The following DTD2 variants were observed in gnomAD, a reference collection of about 807,000 sequenced individuals.
DTD2 encodes the protein D-tyrosyl-tRNA deacylase 2 (putative).
DTD2 carries 12 observed loss-of-function variants against 15.5 expected under a neutral mutation model. That is an observed-to-expected ratio of 0.77 (90% CI 0.50 to 1.25). The LOEUF (loss-of-function observed/expected upper bound fraction) is 1.25, where lower values mean the gene tolerates loss of function less well. DTD2 is among the 50% of genes most tolerant of loss of function. The pLI, the probability that DTD2 is intolerant of heterozygous loss-of-function variation, is 0.00. For missense variants in DTD2, 170 were observed against 201.1 expected (o/e 0.85, Z 0.93); for synonymous variants, 59 against 77.3 (o/e 0.76, Z 1.24).
At position 31,447,656 on chromosome 14, in the gene DTD2, T is replaced by TA. The variant is rs2031976585; in HGVS notation, c.*472dup. 6.5e-6 allele frequency: 1 copy of TA among 153,344 alleles called. No homozygotes were observed. Among genetic ancestry groups the TA allele is most frequent in the Non-Finnish European group, 1.4e-5 (1 of 69,270 alleles). The allele number at this position is 153,344 out of a possible 1,614,324, so 9.5% of individuals were successfully genotyped here. A position where few individuals can be genotyped will look rare whatever the true frequency, so the allele number is the denominator to read the frequency against. On this transcript the variant is annotated 3_prime_UTR_variant, in exon 3 of 3. Transcript: ENST00000310850. ...CAGCACGGTGAAACCCCATCTCTAC[T>TA]AAAAATACAAAAAAATTAGCTGGGC...
Position 31,447,753 on chromosome 14 carries a change from G to A in DTD2, c.*376C>T. 2 of 158,092 alleles carry A rather than the reference G, an allele frequency of 1.3e-5. No homozygotes were observed. Among genetic ancestry groups the A allele is most frequent in the Non-Finnish European group, 2.8e-5 (2 of 72,176 alleles). The allele number at this position is 158,092 out of a possible 1,614,324, so 9.8% of individuals were successfully genotyped here. A position where few individuals can be genotyped will look rare whatever the true frequency, so the allele number is the denominator to read the frequency against. On this transcript the variant is annotated 3_prime_UTR_variant, in exon 3 of 3. Coordinates refer to ENST00000310850, the MANE Select transcript of DTD2 (RefSeq NM_080664.3). Reference sequence around the variant, plus strand: ...GGAGAATCGCTTGAATCCAGGAGGTGGAGGTTGCAGTGAGCCGAGATTGCG... The same window carrying A: ...GGAGAATCGCTTGAATCCAGGAGGTAGAGGTTGCAGTGAGCCGAGATTGCG...
intron 1 of DTD2, among the ~76,000 whole-genome samples, chr14:31,453,963 T>C (rs2032068253): frequency 6.6e-6 from 1 of 152,260 alleles, no homozygotes; most frequent in Admixed American, 6.5e-5. Flanking sequence ...GGTTGGTTGT[T>C]ATCAGGAATA....
Position 31,457,394 on chromosome 14 carries a change from G to A in DTD2, c.-1C>T, listed in dbSNP as rs542692827. ...GAGGAATCCGGCTACCCTCAGCCAT[G>A]GCTTAAGCCAGCGCCGCGGCCGGAC... On this transcript the variant is annotated 5_prime_UTR_variant, in exon 1 of 3. Coordinates refer to ENST00000310850, the MANE Select transcript of DTD2 (RefSeq NM_080664.3). 2.3e-5 allele frequency: 35 copies of A among 1,507,624 alleles called. No individual in the cohort carries two copies. Among genetic ancestry groups the A allele is most frequent in the Non-Finnish European group, 2.9e-5 (33 of 1,124,742 alleles). 93.4% of individuals were successfully genotyped at this position (1,507,624 alleles called of 1,614,324 possible).
Position 31,457,475 on chromosome 14 carries a change from A to G in DTD2, c.-82T>C. On this transcript the variant is annotated 5_prime_UTR_variant, in exon 1 of 3. Coordinates refer to ENST00000310850, the MANE Select transcript of DTD2 (RefSeq NM_080664.3). ...CCTCGACGCGCTGGCGGGGCAGACG[A>G]GGCGGGGCACGACGAAGGGCCTGCG... 5 of 1,113,326 alleles carry G rather than the reference A, an allele frequency of 4.5e-6. No individual in the cohort carries two copies. The highest frequency in any genetic ancestry group is 6.1e-6 in the Non-Finnish European group (5 of 815,604). 69.0% of individuals were successfully genotyped at this position (1,113,326 alleles called of 1,614,324 possible). A position where few individuals can be genotyped will look rare whatever the true frequency, so the allele number is the denominator to read the frequency against.
At chr14:31,450,082 C>G (rs1026195638) in intron 2 of DTD2, among the ~76,000 whole-genome samples, 1 of 152,186 alleles carries the variant, frequency 6.6e-6, no homozygotes, top group African/African-American at 2.4e-5. Context: ...TCATTCCACT[C>G]GAAATCACTA....
intron 1 of DTD2, among the ~76,000 whole-genome samples, chr14:31,453,884 G>C (rs2032067674): frequency 6.6e-6 from 1 of 152,158 alleles, no homozygotes; most frequent in African/African-American, 2.4e-5. Context: ...TGTTATTGTT[G>C]TTAATGCTTT....
chr14:31,457,253 GGATAAC>G, intron 1 of DTD2, 24 bp downstream of exon 1: 1 of 1,540,806 alleles, frequency 6.5e-7, no homozygotes, highest in Non-Finnish European at 8.8e-7. Flanking sequence ...GCACGCCGGA[GGATAAC>G]GAGAGCTGCC....
At chr14:31,448,787 G>A (rs553680321) in intron 2 of DTD2, among the ~76,000 whole-genome samples, 1 of 152,210 alleles carries the variant, frequency 6.6e-6, no homozygotes, top group Non-Finnish European at 1.5e-5. Flanking sequence ...TACATGAGAA[G>A]ATTTTACCTT....
intron 2 of DTD2, chr14:31,452,217 T>C (rs1278490615): frequency 2.0e-5 from 3 of 152,220 alleles, no homozygotes; most frequent in African/African-American, 7.2e-5. Flanking sequence ...TCCATAATAA[T>C]GATATAAACT....
In DTD2 at chr14:31,446,291, C is replaced by G. The variant is rs181255940; in HGVS notation, c.*1838G>C. 8.6e-4 allele frequency: 130 copies of G among 151,664 alleles called. No homozygotes were observed. Among genetic ancestry groups the G allele is most frequent in the African/African-American group, 3.1e-3 (129 of 41,364 alleles). The allele number at this position is 151,664 out of a possible 1,614,324, so 9.4% of individuals were successfully genotyped here. ...CTACTTAGGATGTTTATTTATTTACCTTTTTTTGCCAATTAGAATTAGTTA... is the reference window on the plus strand; with the variant it reads ...CTACTTAGGATGTTTATTTATTTACGTTTTTTTGCCAATTAGAATTAGTTA... On this transcript the variant is annotated 3_prime_UTR_variant, in exon 3 of 3. Coordinates refer to ENST00000310850, the MANE Select transcript of DTD2 (RefSeq NM_080664.3).
chr14:31,449,535 C>T (rs1462668707), intron 2 of DTD2, among the ~76,000 whole-genome samples: 1 of 152,128 alleles, frequency 6.6e-6, no homozygotes, highest in Non-Finnish European at 1.5e-5. Flanking sequence ...TTTCCTATAG[C>T]TAATAAGAAG....
At position 31,457,228 on chromosome 14, in the gene DTD2, G is replaced by A. The variant is rs1396597096; in HGVS notation, c.111+55C>T. 22 of 1,490,390 alleles carry A rather than the reference G, an allele frequency of 1.5e-5. No homozygotes were observed. In the African/African-American group the frequency reaches 2.1e-4, roughly 14 times the overall value. The allele number at this position is 1,490,390 out of a possible 1,614,324, so 92.3% of individuals were successfully genotyped here. On this transcript the variant is annotated intron_variant, in intron 1 of 2. Transcript: ENST00000310850. ...AGCGGACGAGTCACCGAGACAACGC[G>A]GAAAAAACCGCCCCGCACGCCGGAG...
intron 2 of DTD2, among the ~76,000 whole-genome samples, chr14:31,450,882 G>A (rs1013091799): frequency 2.1e-4 from 32 of 152,140 alleles, no homozygotes; most frequent in African/African-American, 7.5e-4. Context: ...AAAATAACAT[G>A]TGGTTTGGAT....
intron 2 of DTD2, among the ~76,000 whole-genome samples, chr14:31,450,152 C>A (rs2032014207): frequency 6.6e-6 from 1 of 152,146 alleles, no homozygotes; most frequent in African/African-American, 2.4e-5. Flanking sequence ...GAATAACAGG[C>A]CTGAGAGGTA....
In DTD2 at chr14:31,457,497, T is replaced by A. The variant is rs1172757639; in HGVS notation, c.-104A>T. ...ACGAGGCGGGGCACGACGAAGGGCC[T>A]GCGCCGATTGCCCAGTGGCCCCGCC... On this transcript the variant is annotated 5_prime_UTR_variant, in exon 1 of 3. Transcript: ENST00000310850. The A allele has an allele frequency of 2.5e-6, 2 of 806,414 alleles. No homozygotes were observed. The highest frequency in any genetic ancestry group is 3.7e-6 in the Non-Finnish European group (2 of 547,354). The allele number at this position is 806,414 out of a possible 1,614,324, so 50.0% of individuals were successfully genotyped here. A position where few individuals can be genotyped will look rare whatever the true frequency, so the allele number is the denominator to read the frequency against.
chr14:31,451,186 C>T (rs1289905697), intron 2 of DTD2, among the ~76,000 whole-genome samples: 5 of 140,686 alleles, frequency 3.6e-5, no homozygotes, highest in South Asian at 2.2e-4. Flanking sequence ...CTCCCTCTGT[C>T]GCCCAGGCTG....
At chr14:31,456,710 T>G (rs901656802) in intron 1 of DTD2, among the ~76,000 whole-genome samples, 2 of 152,180 alleles carry the variant, frequency 1.3e-5, no homozygotes, top group Admixed American at 1.3e-4. Context: ...GACATAAATG[T>G]TTTAAATTCT....
In DTD2 at chr14:31,447,989, C is replaced by T. The variant is rs1595214863; in HGVS notation, c.*140G>A. 2.9e-6 allele frequency: 2 copies of T among 693,422 alleles called. No individual in the cohort carries two copies. The highest frequency in any genetic ancestry group is 2.0e-5 in the South Asian group (1 of 49,054). The allele number at this position is 693,422 out of a possible 1,614,324, so 43.0% of individuals were successfully genotyped here. On this transcript the variant is annotated 3_prime_UTR_variant, in exon 3 of 3. Coordinates refer to ENST00000310850, the MANE Select transcript of DTD2 (RefSeq NM_080664.3). ...GGCAAAGTCATCCAATTAGCAGGTG[C>T]AGAGTTATATATGAAACCCAAGATT... is the stretch of plus-strand genomic sequence containing the variant.
intron 2 of DTD2, among the ~76,000 whole-genome samples, chr14:31,451,589 T>C (rs535387547): frequency 5.6e-4 from 86 of 152,308 alleles, no homozygotes; most frequent in Middle Eastern, 3.4e-3. Context: ...TAGCATAGTC[T>C]CTTAAGTCTG....
Sources: allele counts gnomAD v4.1 joint callset (sites outside exome capture counted in the v4.1 genomes callset), GRCh38; gene constraint gnomAD v4.1.1; transcripts MANE v1.5; gene names NCBI Gene and HGNC (gene_info 2026-07-23, HGNC 2026-07-21).